The following NR4A1 variants were observed in gnomAD, a reference collection of about 807,000 sequenced individuals.
NR4A1 encodes nuclear receptor subfamily 4immunitygroup A member 1.
In NR4A1, 24 loss-of-function variants were observed where a neutral mutation model predicts 47.5. The observed-to-expected ratio is 0.50, with a 90% CI of 0.37 to 0.71. NR4A1 has a LOEUF of 0.71. Among genes scored for constraint, NR4A1 ranks in the 30% least tolerant of loss-of-function variants. NR4A1 has a pLI of 0.00. For missense variants in NR4A1, 669 were observed against 788.6 expected (o/e 0.85, Z 1.82); for synonymous variants, 353 against 345.7 (o/e 1.02, Z -0.24).
intron 1 of NR4A1, among the ~76,000 whole-genome samples, chr12:52,027,904 G>T (rs1170362603): frequency 8.5e-5 from 13 of 152,130 alleles, no homozygotes; most frequent in African/African-American, 1.4e-4. Flanking sequence ...CATATGTTAA[G>T]AATTATTATT....
In NR4A1 at chr12:52,037,338, C is replaced by T. The variant is rs981647839; in HGVS notation, c.-83-4472C>T. The T allele has an allele frequency of 4.1e-6, 4 of 984,114 alleles. No individual in the cohort carries two copies. In the African/African-American group the frequency reaches 5.3e-5, roughly 13 times the overall value. 61.0% of individuals were successfully genotyped at this position (984,114 alleles called of 1,614,324 possible). A position where few individuals can be genotyped will look rare whatever the true frequency, so the allele number is the denominator to read the frequency against. On this transcript the variant is annotated intron_variant, in intron 1 of 7. Transcript: ENST00000360284. ...GTCCCCTCGCGGCGCCCGGGACCCCCGGCCTCCAGGCATGGGCGCCCCTGC... is the reference window on the plus strand; with the variant it reads ...GTCCCCTCGCGGCGCCCGGGACCCCTGGCCTCCAGGCATGGGCGCCCCTGC...
At chr12:52,039,928 A>T (rs1938373957) in intron 1 of NR4A1, among the ~76,000 whole-genome samples, 1 of 152,150 alleles carries the variant, frequency 6.6e-6, no homozygotes, top group Non-Finnish European at 1.5e-5. Flanking sequence ...GGCCCACGTG[A>T]TGGGACCATA....
chr12:52,056,966 G>A, intron 4 of NR4A1, 91 bp from the exon 5 acceptor site: 1 of 1,240,650 alleles, frequency 8.1e-7, no homozygotes, highest in Non-Finnish European at 1.1e-6. Flanking sequence ...CCACTCCCGG[G>A]ATCTGGCATC....
chr12:52,025,546 G>A (rs1370388208), intron 1 of NR4A1, among the ~76,000 whole-genome samples: 1 of 152,156 alleles, frequency 6.6e-6, no homozygotes, highest in Non-Finnish European at 1.5e-5. Context: ...GCCGTCTCTG[G>A]CCGTTCCGTA....
chr12:52,050,771 G>T (rs559979999), upstream of NR4A1, among the ~76,000 whole-genome samples: 1 of 152,172 alleles, frequency 6.6e-6, no homozygotes, highest in African/African-American at 2.4e-5. Flanking sequence ...TGGGGAAGCC[G>T]CGTCCTGTGC....
chr12:52,034,751 G>A (rs925554629), intron 1 of NR4A1, among the ~76,000 whole-genome samples: 1 of 152,182 alleles, frequency 6.6e-6, no homozygotes, highest in African/African-American at 2.4e-5. Flanking sequence ...GCTCCTATCT[G>A]TGCAGCCCCC....
upstream of NR4A1, among the ~76,000 whole-genome samples, chr12:52,046,834 T>G (rs1269057564): frequency 6.6e-6 from 1 of 151,702 alleles, no homozygotes; most frequent in Non-Finnish European, 1.5e-5. Flanking sequence ...ATACAAAAAA[T>G]TAGCCGGGCG....
rs776587804 is a variant in NR4A1, at chr12:52,054,805, C to A, written c.477C>A (p.Gly159=). The A allele has an allele frequency of 6.2e-7, 1 of 1,613,364 alleles. No homozygotes were observed. The highest frequency in any genetic ancestry group is 8.5e-7 in the Non-Finnish European group (1 of 1,179,944). The change falls in exon 2 of 7, where the codon GGC becomes GGA. Residue 159 remains glycine, a synonymous_variant. Coordinates refer to ENST00000394825, the MANE Select transcript of NR4A1 (RefSeq NM_173157.3). Reference sequence around the variant, plus strand: ...TCTCTCCCTGGGATGGCTCCTTCGGCCACTTCTCGCCCAGCCAGACTTACG... The same window carrying A: ...TCTCTCCCTGGGATGGCTCCTTCGGACACTTCTCGCCCAGCCAGACTTACG... ...PQLSPWDGSF[G]HFSPSQTYEG... is the part of the protein sequence containing the mutation.
At chr12:52,056,709 G>A (rs1939290807) in intron 4 of NR4A1, 64 bp downstream of exon 4, 2 of 1,261,150 alleles carry the variant, frequency 1.6e-6, no homozygotes, top group African/African-American at 1.6e-5. Context: ...CTTTGTGCGT[G>A]TTAGGAGAGC....
At chr12:52,058,586 A>C in intron 6 of NR4A1, 102 bp from the exon 7 acceptor site, 1 of 1,391,110 alleles carries the variant, frequency 7.2e-7, no homozygotes, top group Non-Finnish European at 9.5e-7. Flanking sequence ...CCAGCAGAGC[A>C]TGAGGGGTGG....
intron 1 of NR4A1, among the ~76,000 whole-genome samples, chr12:52,051,895 G>C (rs934486806): frequency 2.0e-5 from 3 of 152,090 alleles, no homozygotes; most frequent in Non-Finnish European, 4.4e-5. Context: ...GAACTTGGGT[G>C]GGTGTGGATG....
In NR4A1 at chr12:52,045,140, A is replaced by G. The variant is rs1284435243; in HGVS notation, c.37+3211A>G. ...TGGGTAGAGCCACATCTCTGGGCAC[A>G]CTCTCTTTTCCTCTCACTCAGCCCA... On this transcript the variant is annotated intron_variant, in intron 2 of 7. Coordinates refer to the NR4A1 transcript ENST00000360284. Among the ~76,000 whole-genome samples, 3 of 152,084 alleles carry G rather than the reference A, an allele frequency of 2.0e-5. No homozygotes were observed. The East Asian group carries it at 5.8e-4, about 29-fold the overall frequency.
At chr12:52,044,008 C>A in intron 2 of NR4A1, 2 of 1,112,468 alleles carry the variant, frequency 1.8e-6, no homozygotes, top group South Asian at 1.4e-5. Context: ...CCTTGGGCTG[C>A]GGGGAGGAAG....
intron 2 of NR4A1, among the ~76,000 whole-genome samples, chr12:52,046,331 G>C (rs758763996): frequency 7.2e-5 from 11 of 152,172 alleles, no homozygotes; most frequent in Admixed American, 7.2e-4. Flanking sequence ...TTCCCACCAC[G>C]GACTAGGAGA....
chr12:52,055,027 G>A lies in NR4A1; in HGVS notation c.699G>A (p.Leu233=). 5.6e-6 allele frequency: 9 copies of A among 1,614,228 alleles called. No homozygotes were observed. The highest frequency in any genetic ancestry group is 4.0e-5 in the African/African-American group (3 of 75,066). ...SYSMPTAFPG[L]APTSPHLEGS... is the part of the protein sequence containing the mutation. The stretch of plus-strand genomic sequence containing the variant: ...CCATGCCTACGGCCTTCCCAGGTTT[G>A]GCACCCACTTCTCCACACCTTGAGG... The change falls in exon 2 of 7, where the codon TTG becomes TTA. Residue 233 remains leucine (L), a synonymous_variant. Transcript: ENST00000394825.
intron 2 of NR4A1, among the ~76,000 whole-genome samples, chr12:52,046,131 A>T (rs1938624892): frequency 6.6e-6 from 1 of 152,122 alleles, no homozygotes; most frequent in African/African-American, 2.4e-5. Context: ...CCTGACCTCT[A>T]CTCAGTAGGG....
At position 52,054,365 on chromosome 12, in the gene NR4A1, C is replaced by T. The variant is rs751945767; in HGVS notation, c.37C>T (p.Pro13Ser). Residue 13 changes from proline to serine, a missense_variant, in exon 2 of 7, where the codon CCG becomes TCG. Pro to Ser is a moderately conservative substitution (Grantham distance 74). Transcript: ENST00000394825. ...CIQAQYGTPA[P>S]SPGPRDHLAS... Reference sequence around the variant, plus strand: ...CCAAGCCCAATATGGGACACCAGCACCGAGTCCGGGACCCCGTGACCACCT... The same window carrying T: ...CCAAGCCCAATATGGGACACCAGCATCGAGTCCGGGACCCCGTGACCACCT... The T allele has an allele frequency of 4.5e-5, 72 of 1,613,270 alleles. 2 individuals are homozygous for T. In the South Asian group the frequency reaches 6.7e-4, roughly 15 times the overall value.
intron 1 of NR4A1, among the ~76,000 whole-genome samples, chr12:52,033,966 A>G (rs1429422899): frequency 6.6e-6 from 1 of 152,096 alleles, no homozygotes; most frequent in Non-Finnish European, 1.5e-5. Context: ...ATGGAGGTGG[A>G]GTGGAAGGGT....
At chr12:52,036,856 G>A (rs1052248034) in intron 1 of NR4A1, among the ~76,000 whole-genome samples, 7 of 152,278 alleles carry the variant, frequency 4.6e-5, no homozygotes, top group Admixed American at 4.6e-4. Flanking sequence ...ACCTCTTCCT[G>A]GGGAAGCCCC....
Sources: gnomAD v4.1 joint callset for allele counts (sites outside exome capture counted in the v4.1 genomes callset) on GRCh38, gnomAD v4.1.1 for gene constraint, MANE v1.5 for transcripts, NCBI Gene and HGNC (gene_info 2026-07-23, HGNC 2026-07-21) for gene names.